Variants in ITFG2 observed in about 807,000 individuals in gnomAD.
ITFG2 encodes the protein KICSTOR complex protein ITFG2.
ITFG2 carries 36 observed loss-of-function variants against 54.4 expected under a neutral mutation model. The ratio of observed to expected loss-of-function variants is 0.66; its 90% CI spans 0.51 to 0.87. The LOEUF (loss-of-function observed/expected upper bound fraction) is 0.87. ITFG2 is among the 40% of genes least tolerant of loss of function. The probability of loss-of-function intolerance (pLI) is 0.00; values close to 1 mark genes in which losing one functional copy is unlikely to be tolerated. For synonymous variants in ITFG2, 211 were observed against 225.4 expected, an observed-to-expected ratio of 0.94 and a Z score of 0.57; for missense variants, 524 against 576.7, an observed-to-expected ratio of 0.91 and a Z score of 0.94.
intron 2 of ITFG2, chr12:2,855,548 G>T: frequency 1.1e-6 from 1 of 910,752 alleles, no homozygotes; most frequent in Non-Finnish European, 1.5e-6. Context: ...ACCTCTGCCA[G>T]CCCAGGATTC....
Position 2,854,561 on chromosome 12 carries a change from C to T in ITFG2, n.301-3451C>T, listed in dbSNP as rs1215449604. On this transcript the variant is annotated intron_variant and non_coding_transcript_variant, in intron 2 of 3. Transcript: ENST00000537710. ...TCCTTACAACACCCCCTGTCTCGCA[C>T]TCTGGGCCCTTTGCATGTGTAGCCT... Among the ~76,000 whole-genome samples, 3 of 152,226 alleles carry T rather than the reference C, an allele frequency of 2.0e-5. No individual in the cohort carries two copies. In the East Asian group the frequency reaches 5.8e-4, roughly 29 times the overall value.
downstream of ITFG2, chr12:2,827,834 C>G: frequency 6.2e-7 from 1 of 1,605,048 alleles, no homozygotes; most frequent in South Asian, 1.1e-5. The surrounding 1 kb of genome is among the most constrained non-coding windows in gnomAD (Gnocchi z 4.0). Flanking sequence ...GGGAACTCCT[C>G]GTGCTGCAGG....
downstream of ITFG2, chr12:2,825,842 A>C (rs926621773): frequency 1.3e-5 from 2 of 152,186 alleles, no homozygotes. Flanking sequence ...GGCTCACTAC[A>C]ACCCCCATCT....
At chr12:2,854,311 C>T (rs2098080551) in intron 2 of ITFG2, among the ~76,000 whole-genome samples, 1 of 152,234 alleles carries the variant, frequency 6.6e-6, no homozygotes, top group Admixed American at 6.5e-5. Flanking sequence ...AGGCGTGAGC[C>T]ACCACGCCCT....
At chr12:2,815,254 G>A (rs1375990551) in intron 1 of ITFG2, among the ~76,000 whole-genome samples, 1 of 152,244 alleles carries the variant, frequency 6.6e-6, no homozygotes, top group Non-Finnish European at 1.5e-5. Context: ...TTAGTTCAAT[G>A]TATTCTGGGA....
chr12:2,825,346 CAT>C (rs2097961306), downstream of ITFG2: 1 of 152,244 alleles, frequency 6.6e-6, no homozygotes, highest in Admixed American at 6.5e-5. Context: ...AGAACATCGA[CAT>C]AGAGAAACAA....
Position 2,820,889 on chromosome 12 carries a change from C to T in ITFG2, c.695+17C>T, listed in dbSNP as rs1347008647. ...TGGTAGTAGGTAAGGGGGTACAGGC[C>T]AGTGGATGGTGTGGGGGTGCATGGA... On this transcript the variant is annotated intron_variant, in intron 6 of 11. Transcript: ENST00000228799. 5 of 1,613,056 alleles carry T rather than the reference C, an allele frequency of 3.1e-6. No individual in the cohort carries two copies. In the Admixed American group the frequency reaches 6.7e-5, roughly 22 times the overall value.
rs536305340 is a variant in ITFG2, at chr12:2,838,991, TA to T, written n.147-1839del. The stretch of plus-strand genomic sequence containing the variant: ...ATAACTTTTTTACCTAACAGAGAAT[TA>T]AAAAAAAAAAACAATTTAGCTGGGC... On this transcript the variant is annotated intron_variant and non_coding_transcript_variant, in intron 1 of 3. Coordinates refer to the ITFG2 transcript ENST00000537710. Among the ~76,000 whole-genome samples the T allele has an allele frequency of 8.8e-3, 1,264 of 143,306 alleles. 21 individuals carry two copies. The highest frequency in any genetic ancestry group is 0.03 in the African/African-American group (1,157 of 39,214). 94.0% of individuals were successfully genotyped at this position (143,306 alleles called of 152,430 possible).
chr12:2,834,537 C>G (rs982812609), upstream of ITFG2: 8 of 1,463,504 alleles, frequency 5.5e-6, no homozygotes, highest in South Asian at 2.9e-5. Context: ...GGAGCGGGAC[C>G]TGAAAGCTGA....
chr12:2,826,928 G>T, downstream of ITFG2: 1 of 1,227,554 alleles, frequency 8.1e-7, no homozygotes, highest in Non-Finnish European at 1.0e-6. Flanking sequence ...GTTCCTATCT[G>T]TGGTCTTGAT....
At chr12:2,826,712 G>A (rs552702548), downstream of ITFG2, 7 of 180,118 alleles carry the variant, frequency 3.9e-5, no homozygotes, top group East Asian at 3.8e-4. Context: ...CACAGACTCC[G>A]AGAGGCAGAC....
intron 1 of ITFG2, among the ~76,000 whole-genome samples, chr12:2,815,916 C>T (rs980637256): frequency 3.3e-5 from 5 of 151,984 alleles, no homozygotes; most frequent in African/African-American, 1.2e-4. Context: ...CCAGGCTGGA[C>T]TGCAATGGCA....
At chr12:2,854,078 T>G (rs550872088) in intron 2 of ITFG2, among the ~76,000 whole-genome samples, 3 of 152,256 alleles carry the variant, frequency 2.0e-5, no homozygotes, top group Admixed American at 2.0e-4. Context: ...CCGGCTGGAG[T>G]GCAATGGCAC....
chr12:2,812,778 C>T lies in ITFG2; in HGVS notation c.18C>T (p.Tyr6=), dbSNP rs1473934263. ...GAGGTGCCATGAGGTCAGTTAGCTA[C>T]GTGCAGCGCGTGGCGCTGGAGTTCA... is the stretch of plus-strand genomic sequence containing the variant. MRSVS[Y]VQRVALEFSG... Residue 6 remains tyrosine (Y), a synonymous_variant, in exon 1 of 12, where the codon TAC becomes TAT. Transcript: ENST00000228799. The T allele has an allele frequency of 1.9e-5, 31 of 1,611,364 alleles. No homozygotes were observed. Among genetic ancestry groups the T allele is most frequent in the African/African-American group, 2.7e-5 (2 of 74,902 alleles).
At chr12:2,813,832 G>A (rs1442828442) in intron 1 of ITFG2, among the ~76,000 whole-genome samples, 1 of 152,186 alleles carries the variant, frequency 6.6e-6, no homozygotes, top group African/African-American at 2.4e-5. Flanking sequence ...CCTCTCTGGG[G>A]AGGAAAGAGT....
chr12:2,822,657 C>T lies in ITFG2; in HGVS notation c.949-137C>T, dbSNP rs74054750. 1.3e-3 allele frequency: 978 copies of T among 725,416 alleles called. 15 individuals are homozygous for T. The African/African-American group carries it at 0.015, about 11-fold the overall frequency. 44.9% of individuals were successfully genotyped at this position (725,416 alleles called of 1,614,324 possible). On this transcript the variant is annotated intron_variant, in intron 9 of 11. Coordinates refer to ENST00000228799, the MANE Select transcript of ITFG2 (RefSeq NM_018463.4). ...GCCTACTTCCTAGGGTGGCTGTGAGCATTATGTGAGGTGGCTCATTTGACA... is the reference window on the plus strand; with the variant it reads ...GCCTACTTCCTAGGGTGGCTGTGAGTATTATGTGAGGTGGCTCATTTGACA...
intron 3 of ITFG2, chr12:2,859,134 T>G (rs1235234863): frequency 6.2e-7 from 1 of 1,606,008 alleles, no homozygotes; most frequent in Non-Finnish European, 8.5e-7. Context: ...AATGGGTGTC[T>G]TAAAAGGTCC....
downstream of ITFG2, chr12:2,827,936 T>C (rs1348284526): frequency 6.2e-7 from 1 of 1,614,148 alleles, no homozygotes; most frequent in South Asian, 1.1e-5. The surrounding 1 kb of genome is among the most constrained non-coding windows in gnomAD (Gnocchi z 4.0). Flanking sequence ...CCACCACCTG[T>C]GCCGAGCACA....
chr12:2,859,494 A>G (rs777430277), intron 3 of ITFG2: 1 of 1,613,876 alleles, frequency 6.2e-7, no homozygotes, highest in African/African-American at 1.3e-5. Context: ...AGGGCTCTCC[A>G]CTTTGATGGG....
Sources: allele counts gnomAD v4.1 joint callset (sites outside exome capture counted in the v4.1 genomes callset), GRCh38; gene constraint gnomAD v4.1.1; non-coding constraint Gnocchi (gnomAD v3.1); transcripts MANE v1.5; gene names NCBI Gene and HGNC (gene_info 2026-07-23, HGNC 2026-07-21).